The following CSMD1 variants were observed in gnomAD, a reference collection of about 807,000 sequenced individuals.
CSMD1 encodes CUB and sushi domain-containing protein 1.
CSMD1 carries 213 observed loss-of-function variants against 417.5 expected under a neutral mutation model. That is an observed-to-expected ratio of 0.51 (90% CI 0.46 to 0.57). The LOEUF (loss-of-function observed/expected upper bound fraction) is 0.57, where lower values mean the gene tolerates loss of function less well. Among genes scored for constraint, CSMD1 ranks in the 20% least tolerant of loss-of-function variants. CSMD1 has a pLI of 0.00. For synonymous variants in CSMD1, 2,862 were observed against 1,736.8 expected, an observed-to-expected ratio of 1.65 and a Z score of -16.11; for missense variants, 6,923 against 4,529.7, an observed-to-expected ratio of 1.53 and a Z score of -15.17.
chr8:4,183,643 T>C (rs1563237181), intron 3 of CSMD1, among the ~76,000 whole-genome samples: 1 of 152,256 alleles, frequency 6.6e-6, no homozygotes, highest in African/African-American at 2.4e-5. Flanking sequence ...AGCACAATTT[T>C]AAGTTTCCTT....
intron 1 of CSMD1, among the ~76,000 whole-genome samples, chr8:4,728,201 A>C (rs1456202386): frequency 6.8e-6 from 1 of 148,142 alleles, no homozygotes; most frequent in Non-Finnish European, 1.5e-5. Flanking sequence ...TCGTATATTT[A>C]TATATATATT....
At chr8:4,216,453 C>A (rs184109297) in intron 3 of CSMD1, among the ~76,000 whole-genome samples, 1 of 152,246 alleles carries the variant, frequency 6.6e-6, no homozygotes, top group Admixed American at 6.5e-5. Context: ...GTAAGTAAAG[C>A]TTGTTAAATT....
intron 1 of CSMD1, among the ~76,000 whole-genome samples, chr8:4,762,915 G>A (rs988573102): frequency 2.0e-5 from 3 of 152,150 alleles, no homozygotes; most frequent in Admixed American, 1.3e-4. Context: ...AGCATTGTAG[G>A]TAGGGTTATA....
intron 1 of CSMD1, among the ~76,000 whole-genome samples, chr8:4,992,967 G>T (rs1042368441): frequency 6.6e-6 from 1 of 152,208 alleles, no homozygotes; most frequent in Non-Finnish European, 1.5e-5. Flanking sequence ...CTTTCACGGA[G>T]CCCTGGACGC....
chr8:3,493,712 G>T lies in CSMD1; in HGVS notation c.1359C>A (p.Ala453=), dbSNP rs562992608. 1.2e-6 allele frequency: 2 copies of T among 1,610,596 alleles called. No individual in the cohort carries two copies. Among genetic ancestry groups the T allele is most frequent in the African/African-American group, 2.7e-5 (2 of 75,008 alleles). ...CTCGCTCCAGCTCAAACTCTTCAAAGGCAAGCTTGATGACCTAAATACAAG... is the reference window on the plus strand; with the variant it reads ...CTCGCTCCAGCTCAAACTCTTCAAATGCAAGCTTGATGACCTAAATACAAG... ...TTDPDKVIKL[A]FEEFELERGY... is the part of the protein sequence containing the mutation. Residue 453 remains alanine (A), a synonymous_variant, in exon 11 of 70, where the codon GCC becomes GCA. Transcript: ENST00000635120.
intron 1 of CSMD1, among the ~76,000 whole-genome samples, chr8:4,759,787 A>G (rs1464267443): frequency 6.6e-6 from 1 of 152,174 alleles, no homozygotes; most frequent in African/African-American, 2.4e-5. Context: ...GTACATATGT[A>G]CCAGTTTCTT....
At chr8:3,570,956 G>A (rs921520192) in intron 10 of CSMD1, among the ~76,000 whole-genome samples, 7 of 152,120 alleles carry the variant, frequency 4.6e-5, no homozygotes, top group African/African-American at 1.7e-4. Context: ...ACTAAAATGT[G>A]CTATAGGCAC....
chr8:4,226,034 T>A (rs1157830825), intron 3 of CSMD1, among the ~76,000 whole-genome samples: 1 of 150,744 alleles, frequency 6.6e-6, no homozygotes, highest in Non-Finnish European at 1.5e-5. Context: ...TTTTACCTAC[T>A]CAAGTAAGCT....
chr8:3,093,424 T>C (rs1037550023), intron 47 of CSMD1, among the ~76,000 whole-genome samples: 1 of 152,114 alleles, frequency 6.6e-6, no homozygotes, highest in Non-Finnish European at 1.5e-5. Context: ...CCCAGCGCTT[T>C]GGGAGGTAGA....
chr8:3,446,994 A>T (rs1815346843), intron 12 of CSMD1, among the ~76,000 whole-genome samples: 1 of 152,230 alleles, frequency 6.6e-6, no homozygotes, highest in Non-Finnish European at 1.5e-5. Flanking sequence ...AGATGTAAAG[A>T]ATAAAGGAAT....
intron 3 of CSMD1, among the ~76,000 whole-genome samples, chr8:4,043,598 G>A (rs536378512): frequency 3.3e-5 from 5 of 152,208 alleles, no homozygotes; most frequent in Non-Finnish European, 7.3e-5. Context: ...AATCAATGTA[G>A]AATAGCCAAA....
chr8:4,271,023 G>A (rs147239251), intron 3 of CSMD1, among the ~76,000 whole-genome samples: 2 of 152,274 alleles, frequency 1.3e-5, no homozygotes, highest in East Asian at 3.9e-4. Flanking sequence ...AGGTCCTAGT[G>A]GGAAGAGAGT....
rs187985086 is a variant in CSMD1 at position 3,891,709 on chromosome 8, G to A, written c.818+106194C>T. ...AAACGAAAAAAAAAGGATTAACTCA[G>A]TCTCCTAACACTAGTCTCCCAGGCA... On this transcript the variant is annotated intron_variant, in intron 5 of 69. Coordinates refer to ENST00000635120, the MANE Select transcript of CSMD1 (RefSeq NM_033225.6). 1.8e-3 allele frequency among the ~76,000 whole-genome samples: 275 copies of A among 151,998 alleles called. 2 individuals carry two copies. The highest frequency in any genetic ancestry group is 1.6e-3 in the Non-Finnish European group (110 of 67,982).
intron 2 of CSMD1, among the ~76,000 whole-genome samples, chr8:4,617,496 AC>A (rs1408776103): frequency 6.6e-6 from 1 of 152,168 alleles, no homozygotes. Flanking sequence ...CTGGTAAATC[AC>A]CTGTCAACTA....
At chr8:3,274,785 A>T (rs1449834064) in intron 26 of CSMD1, among the ~76,000 whole-genome samples, 1 of 151,954 alleles carries the variant, frequency 6.6e-6, no homozygotes, top group Non-Finnish European at 1.5e-5. Context: ...TGCTTGGTAG[A>T]TCTTCCTCCA....
At chr8:4,188,428 T>C (rs1011482870) in intron 3 of CSMD1, among the ~76,000 whole-genome samples, 4 of 152,144 alleles carry the variant, frequency 2.6e-5, no homozygotes, top group Non-Finnish European at 5.9e-5. Flanking sequence ...TTTCGGCAGA[T>C]ACAAGTCCTG....
At chr8:3,669,867 G>A (rs1355457301) in intron 7 of CSMD1, among the ~76,000 whole-genome samples, 7 of 152,112 alleles carry the variant, frequency 4.6e-5, no homozygotes, top group African/African-American at 7.2e-5. Flanking sequence ...GAGGGGCCCA[G>A]GTGATGATCA....
chr8:3,299,510 A>C (rs186355415), intron 25 of CSMD1, among the ~76,000 whole-genome samples: 38 of 152,324 alleles, frequency 2.5e-4, no homozygotes, highest in Admixed American at 7.2e-4. Flanking sequence ...TATCAGATAC[A>C]GGCACGTGAG....
chr8:3,700,294 C>T (rs1016936385), intron 7 of CSMD1, among the ~76,000 whole-genome samples: 1 of 152,096 alleles, frequency 6.6e-6, no homozygotes, highest in Non-Finnish European at 1.5e-5. Context: ...AGAAAATATA[C>T]CTGCCCTCAT....
Sources: allele counts gnomAD v4.1 joint callset (sites outside exome capture counted in the v4.1 genomes callset), GRCh38; gene constraint gnomAD v4.1.1; transcripts MANE v1.5; gene names NCBI Gene and HGNC (gene_info 2026-07-23, HGNC 2026-07-21).